Variants in SGSM1 observed in about 807,000 individuals in gnomAD.
SGSM1 encodes RUN and TBC1 domain containing 2.
A neutral mutation model predicts 133.8 loss-of-function variants in SGSM1; 73 were observed. That is an observed-to-expected ratio of 0.55 (90% confidence interval 0.45 to 0.66). The LOEUF (loss-of-function observed/expected upper bound fraction) is 0.66. SGSM1 is among the 30% of genes least tolerant of loss of function. The pLI, the probability that SGSM1 is intolerant of heterozygous loss-of-function variation, is 0.00. For synonymous variants in SGSM1, 563 were observed against 573.0 expected (o/e 0.98, Z 0.25); for missense variants, 1,213 against 1,448.1 (o/e 0.84, Z 2.64).
intron 14 of SGSM1, among the ~76,000 whole-genome samples, chr22:24,883,822 G>A (rs899916624): frequency 1.3e-5 from 2 of 152,200 alleles, no homozygotes; most frequent in East Asian, 1.9e-4. Flanking sequence ...CAGACGTGCT[G>A]GCGCGTGCCT....
At chr22:24,853,769 ATT>A (rs57736929) in intron 5 of SGSM1, among the ~76,000 whole-genome samples, 21 of 123,434 alleles carry the variant, frequency 1.7e-4, no homozygotes, top group African/African-American at 3.3e-4. Flanking sequence ...CGCCTGGTGA[ATT>A]TTTTTTTTTT....
At chr22:24,893,975 G>A (rs1205863186) in intron 17 of SGSM1, among the ~76,000 whole-genome samples, 1 of 152,238 alleles carries the variant, frequency 6.6e-6, no homozygotes, top group Non-Finnish European at 1.5e-5. Flanking sequence ...TGCTTATTGA[G>A]TATCTACTAT....
At chr22:24,821,106 G>A (rs935322242) in intron 2 of SGSM1, among the ~76,000 whole-genome samples, 5 of 152,080 alleles carry the variant, frequency 3.3e-5, no homozygotes, top group African/African-American at 1.2e-4. Flanking sequence ...GCGTGATCTC[G>A]ACTCACTGCA....
intron 19 of SGSM1, among the ~76,000 whole-genome samples, chr22:24,900,550 C>G (rs1933118815): frequency 6.6e-6 from 1 of 151,956 alleles, no homozygotes; most frequent in African/African-American, 2.4e-5. Flanking sequence ...CAAGCACGCA[C>G]CCACGCCCGG....
In SGSM1 at chr22:24,924,555, G is replaced by A. The variant is rs1934130296; in HGVS notation, c.*281G>A. The A allele has an allele frequency of 2.2e-6, 1 of 462,110 alleles. No individual in the cohort carries two copies. Among genetic ancestry groups the A allele is most frequent in the Non-Finnish European group, 3.9e-6 (1 of 254,124 alleles). The allele number at this position is 462,110 out of a possible 1,614,324, so 28.6% of individuals were successfully genotyped here. ...GGTGGAGGTTGTTGGTGGAGGAGGA[G>A]CCATCTTTGTTTGCTGGTGCCCGGA... On this transcript the variant is annotated 3_prime_UTR_variant, in exon 25 of 25. Coordinates refer to ENST00000400358, the MANE Select transcript of SGSM1 (RefSeq NM_001098497.3).
intron 2 of SGSM1, chr22:24,813,577 A>C (rs1356657710): frequency 6.6e-6 from 1 of 152,212 alleles, no homozygotes; most frequent in Non-Finnish European, 1.5e-5. Context: ...GATTGACTCA[A>C]ATCAGCTTGC....
intron 2 of SGSM1, among the ~76,000 whole-genome samples, chr22:24,837,556 A>G (rs1164816399): frequency 7.0e-6 from 1 of 143,712 alleles, no homozygotes; most frequent in Non-Finnish European, 1.5e-5. Flanking sequence ...AGTCTTCTCT[A>G]AACTCCCCCG....
At chr22:24,919,804 A>G (rs1309967565) in intron 23 of SGSM1, 22 bp from the exon 24 acceptor site, 1 of 1,613,250 alleles carries the variant, frequency 6.2e-7, no homozygotes, top group Admixed American at 1.7e-5. Context: ...TTCTCTCCCC[A>G]TGTGTGTTGG....
intron 12 of SGSM1, among the ~76,000 whole-genome samples, chr22:24,873,550 G>A (rs1931870218): frequency 1.3e-5 from 2 of 152,088 alleles, no homozygotes; most frequent in African/African-American, 2.4e-5. Flanking sequence ...GAAAGAGTAG[G>A]CTCAGAGTCA....
chr22:24,822,751 G>A (rs1783823021), intron 2 of SGSM1, among the ~76,000 whole-genome samples: 1 of 152,190 alleles, frequency 6.6e-6, no homozygotes, highest in African/African-American at 2.4e-5. Flanking sequence ...TAAGGGAGCA[G>A]GTGCATTGGT....
At chr22:24,867,065 G>A (rs1931496756) in intron 9 of SGSM1, 28 bp from the exon 10 acceptor site, 1 of 1,610,488 alleles carries the variant, frequency 6.2e-7, no homozygotes, top group African/African-American at 1.3e-5. Flanking sequence ...CAGAAGTCCT[G>A]CAAGCCTGAC....
At chr22:24,841,543 T>C (rs577892984) in intron 2 of SGSM1, among the ~76,000 whole-genome samples, 24 of 152,330 alleles carry the variant, frequency 1.6e-4, no homozygotes, top group Admixed American at 1.4e-3. Flanking sequence ...TCTATTGACT[T>C]ACCTTTTAAC....
At chr22:24,808,512 G>A (rs757539387) in intron 2 of SGSM1, among the ~76,000 whole-genome samples, 5 of 152,150 alleles carry the variant, frequency 3.3e-5, no homozygotes, top group Non-Finnish European at 7.4e-5. Context: ...CTTTTTGTTC[G>A]TGGTTTAACC....
chr22:24,844,702 T>A, intron 2 of SGSM1, 195 bp from the exon 3 acceptor site: 1 of 560,500 alleles, frequency 1.8e-6, no homozygotes. Context: ...ATTGATAAAA[T>A]GAGAAGCATG....
At chr22:24,850,829 G>A (rs1268005025) in intron 5 of SGSM1, among the ~76,000 whole-genome samples, 1 of 152,176 alleles carries the variant, frequency 6.6e-6, no homozygotes, top group Non-Finnish European at 1.5e-5. Flanking sequence ...TGGGCGCAAT[G>A]GCTCACGCCT....
At chr22:24,835,185 G>A (rs1365009802) in intron 2 of SGSM1, among the ~76,000 whole-genome samples, 1 of 152,138 alleles carries the variant, frequency 6.6e-6, no homozygotes, top group African/African-American at 2.4e-5. Flanking sequence ...GCAGGGAGGT[G>A]GGATGCACAG....
intron 9 of SGSM1, among the ~76,000 whole-genome samples, chr22:24,861,351 CAAAAA>C (rs139707): frequency 1.3e-5 from 1 of 75,856 alleles, no homozygotes. Flanking sequence ...GACTCTGTCT[CAAAAA>C]AAAAAAAAAA....
chr22:24,869,692 G>A (rs905311988), intron 12 of SGSM1, among the ~76,000 whole-genome samples: 3 of 152,200 alleles, frequency 2.0e-5, no homozygotes, highest in Non-Finnish European at 2.9e-5. Flanking sequence ...CACACAGCAG[G>A]CCCTCAGTAA....
At chr22:24,868,335 G>T in intron 10 of SGSM1, 41 bp from the exon 11 acceptor site, 1 of 1,583,098 alleles carries the variant, frequency 6.3e-7, no homozygotes, top group Non-Finnish European at 8.6e-7. Flanking sequence ...GTGCCTCATA[G>T]TGACTTCCAC....
Sources: allele counts gnomAD v4.1 joint callset (sites outside exome capture counted in the v4.1 genomes callset), GRCh38; gene constraint gnomAD v4.1.1; transcripts MANE v1.5; gene names NCBI Gene and HGNC (gene_info 2026-07-23, HGNC 2026-07-21).